CWF19L2: variants seen among roughly 807,000 people sequenced by gnomAD.
CWF19L2 encodes CWF19-like protein 2.
In CWF19L2, 98 loss-of-function variants were observed where a neutral mutation model predicts 111.7. The observed-to-expected ratio is 0.88, with a 90% CI of 0.75 to 1.04. The LOEUF is 1.04. Among genes scored for constraint, CWF19L2 ranks in the 50% least tolerant of loss-of-function variants. The pLI is 0.00. For synonymous variants in CWF19L2, 351 were observed against 342.9 expected (o/e 1.02, Z -0.26); for missense variants, 1,101 against 1,051.4 (o/e 1.05, Z -0.65).
chr11:107,431,325 T>C (rs1194244555), intron 7 of CWF19L2, among the ~76,000 whole-genome samples: 1 of 151,586 alleles, frequency 6.6e-6, no homozygotes, highest in African/African-American at 2.4e-5. Flanking sequence ...CAACACCAAG[T>C]CAGAAAACAT....
intron 12 of CWF19L2, among the ~76,000 whole-genome samples, chr11:107,371,345 C>T (rs906462136): frequency 1.5e-5 from 2 of 137,010 alleles, no homozygotes; most frequent in Non-Finnish European, 3.1e-5. Context: ...GCATATTATG[C>T]CAAGATGTAA....
Position 107,455,770 on chromosome 11 carries a change from C to G in CWF19L2, c.112G>C (p.Ala38Pro), listed in dbSNP as rs1428047239. Reference sequence around the variant, plus strand: ...CGCCTTTCTTCTTTTTCAAAATTGGCTTTAGCCTACAACCAAAGAAAAAAA... The same window carrying G: ...CGCCTTTCTTCTTTTTCAAAATTGGGTTTAGCCTACAACCAAAGAAAAAAA... The part of the protein sequence containing the change: ...ARAEVLRQAK[A>P]NFEKEERRKE... Residue 38 changes from alanine to proline, a missense_variant, in exon 2 of 18, where the codon GCC (alanine) becomes CCC (proline). Coordinates refer to ENST00000282251, the MANE Select transcript of CWF19L2 (RefSeq NM_152434.3). 1.3e-6 allele frequency: 2 copies of G among 1,547,424 alleles called. No homozygotes were observed. Among genetic ancestry groups the G allele is most frequent in the Non-Finnish European group, 1.7e-6 (2 of 1,144,310 alleles).
chr11:107,429,191 A>G lies in CWF19L2; in HGVS notation c.1041T>C (p.Cys347=). ...TTTGCCTTGGGTTAGATTCTCTTCT[A>G]CACGTTTCTAAAGACCCAGGTCTCT... is the stretch of plus-strand genomic sequence containing the variant. ...KDKRPGSLET[C]RRESNPRQNQ... is the part of the protein sequence containing the mutation. Residue 347 remains cysteine, a synonymous_variant, in exon 8 of 18, where the codon TGT becomes TGC. Coordinates refer to ENST00000282251, the MANE Select transcript of CWF19L2 (RefSeq NM_152434.3). The G allele has an allele frequency of 6.2e-7, 1 of 1,613,720 alleles. No homozygotes were observed.
intron 10 of CWF19L2, among the ~76,000 whole-genome samples, chr11:107,406,663 A>G (rs187414977): frequency 6.6e-6 from 1 of 151,004 alleles, no homozygotes; most frequent in African/African-American, 2.4e-5. Flanking sequence ...TCCCACTTTT[A>G]TAATATACTA....
At chr11:107,380,204 C>T (rs1194292198) in intron 12 of CWF19L2, among the ~76,000 whole-genome samples, 1 of 151,936 alleles carries the variant, frequency 6.6e-6, no homozygotes, top group Non-Finnish European at 1.5e-5. Flanking sequence ...GGATTACCAA[C>T]AATGAAAAAT....
chr11:107,330,645 CACACA>C (rs1859834303), intron 16 of CWF19L2, among the ~76,000 whole-genome samples: 6 of 14,890 alleles, frequency 4.0e-4, no homozygotes, highest in East Asian at 0.01. Context: ...CCCCCCCCAC[CACACA>C]CACACACACA....
At position 107,353,636 on chromosome 11, in the gene CWF19L2, C is replaced by A. The variant is rs1853033377; in HGVS notation, c.1973G>T (p.Arg658Met). 1.9e-6 allele frequency: 3 copies of A among 1,613,748 alleles called. No individual in the cohort carries two copies. The highest frequency in any genetic ancestry group is 2.5e-6 in the Non-Finnish European group (3 of 1,179,758). ...ERLGEEEENQ[R>M]KKAIAEHRSL... The stretch of plus-strand genomic sequence containing the variant: ...CCGATGCTCAGCAATAGCTTTTTTC[C>A]TTTGGTTCTCTTCCTCTTCACCAAG... Residue 658 changes from arginine (R) to methionine (M), a missense_variant, in exon 13 of 18, where the codon AGG becomes ATG. Transcript: ENST00000282251.
intron 6 of CWF19L2, among the ~76,000 whole-genome samples, chr11:107,437,070 T>C (rs1016579720): frequency 5.9e-5 from 9 of 152,170 alleles, no homozygotes; most frequent in African/African-American, 2.2e-4. Flanking sequence ...AACACAGTAA[T>C]TATTGAAAAT....
At chr11:107,448,190 AAAC>A (rs1393728970) in intron 3 of CWF19L2, among the ~76,000 whole-genome samples, 1 of 151,906 alleles carries the variant, frequency 6.6e-6, no homozygotes, top group Non-Finnish European at 1.5e-5. Flanking sequence ...CTAAAAATAC[AAAC>A]AATTAGCTGG....
At chr11:107,336,282 G>T (rs966383222) in intron 15 of CWF19L2, among the ~76,000 whole-genome samples, 1 of 152,016 alleles carries the variant, frequency 6.6e-6, no homozygotes, top group Non-Finnish European at 1.5e-5. Flanking sequence ...GAGTAGCTGG[G>T]ACTACAGGTG....
intron 6 of CWF19L2, among the ~76,000 whole-genome samples, chr11:107,437,875 C>T (rs2135417514): frequency 6.6e-6 from 1 of 152,224 alleles, no homozygotes; most frequent in South Asian, 2.1e-4. Context: ...AAAAACAGCC[C>T]TACATAGTAA....
chr11:107,353,813 T>C, intron 12 of CWF19L2, 77 bp from the exon 13 acceptor site: 2 of 1,043,812 alleles, frequency 1.9e-6, no homozygotes, highest in Non-Finnish European at 2.9e-6. Flanking sequence ...ATCCTAAATC[T>C]GTATCTGTAA....
At chr11:107,452,602 G>A (rs960858186) in intron 3 of CWF19L2, among the ~76,000 whole-genome samples, 9 of 151,972 alleles carry the variant, frequency 5.9e-5, no homozygotes, top group Non-Finnish European at 1.0e-4. Flanking sequence ...GGAAATCCAC[G>A]TGGGAAAAAA....
intron 6 of CWF19L2, among the ~76,000 whole-genome samples, chr11:107,434,018 A>T (rs1861506068): frequency 6.6e-6 from 1 of 150,808 alleles, no homozygotes; most frequent in African/African-American, 2.4e-5. Context: ...GAATAAGAAT[A>T]AAAGGACATA....
At position 107,440,841 on chromosome 11, in the gene CWF19L2, C is replaced by T. The variant is rs141482194; in HGVS notation, c.570+662G>A. On this transcript the variant is annotated intron_variant, in intron 5 of 17. Coordinates refer to ENST00000282251, the MANE Select transcript of CWF19L2 (RefSeq NM_152434.3). Reference sequence around the variant, plus strand: ...CTCTCTGGTAGCAATCAGATAAATGCGAACAAAAACAATGAAATACCATTT... The same window carrying T: ...CTCTCTGGTAGCAATCAGATAAATGTGAACAAAAACAATGAAATACCATTT... 8.9e-3 allele frequency among the ~76,000 whole-genome samples: 1,350 copies of T among 152,082 alleles called. 14 individuals carry two copies. Among genetic ancestry groups the T allele is most frequent in the Non-Finnish European group, 0.014 (958 of 67,958 alleles).
chr11:107,439,214 T>G (rs1244909650), intron 5 of CWF19L2, 31 bp from the exon 6 acceptor site: 2 of 1,341,198 alleles, frequency 1.5e-6, no homozygotes, highest in Admixed American at 2.0e-5. Flanking sequence ...AGGTGAAATT[T>G]CAAAAAATTA....
intron 16 of CWF19L2, among the ~76,000 whole-genome samples, chr11:107,332,493 T>C (rs1254963141): frequency 6.6e-6 from 1 of 150,626 alleles, no homozygotes; most frequent in East Asian, 2.0e-4. Context: ...TTTGTAAAAA[T>C]CAGAATGGAT....
chr11:107,430,683 A>G (rs1211245808), intron 7 of CWF19L2, among the ~76,000 whole-genome samples: 3 of 152,174 alleles, frequency 2.0e-5, no homozygotes, highest in Non-Finnish European at 4.4e-5. Flanking sequence ...TGCATCATAC[A>G]TAGAAACAGA....
intron 10 of CWF19L2, among the ~76,000 whole-genome samples, chr11:107,412,047 A>T (rs56380322): frequency 0.013 from 1,961 of 152,274 alleles, 35 homozygotes; most frequent in African/African-American, 0.044. Context: ...GATATAAAGA[A>T]ATTTTTCTTA....
Sources: allele counts gnomAD v4.1 joint callset (sites outside exome capture counted in the v4.1 genomes callset), GRCh38; gene constraint gnomAD v4.1.1; transcripts MANE v1.5; gene names NCBI Gene and HGNC (gene_info 2026-07-23, HGNC 2026-07-21).